TGFBRAP1: variants seen among roughly 807,000 people sequenced by gnomAD.
The protein encoded by TGFBRAP1 is transforming growth factor beta receptor associated protein 1, also known as transforming growth factor-beta receptor-associated protein 1.
In TGFBRAP1, 20 loss-of-function variants were observed where a neutral mutation model predicts 83.2. That is an observed-to-expected ratio of 0.24 (90% CI 0.17 to 0.35). TGFBRAP1 has a LOEUF of 0.35. TGFBRAP1 is among the 10% of genes least tolerant of loss of function. The pLI, the probability that TGFBRAP1 is intolerant of heterozygous loss-of-function variation, is 1.00. For synonymous variants in TGFBRAP1, 415 were observed against 459.8 expected, an observed-to-expected ratio of 0.90 and a Z score of 1.25; for missense variants, 950 against 1,099.4, an observed-to-expected ratio of 0.86 and a Z score of 1.92.
At chr2:105,260,439 C>T (rs566930491), downstream of TGFBRAP1, among the ~76,000 whole-genome samples, 1 of 152,212 alleles carries the variant, frequency 6.6e-6, no homozygotes, top group South Asian at 2.1e-4. Context: ...CTGACGTATG[C>T]TACAATATGG....
At chr2:105,304,548 C>T (rs1372717312) in intron 2 of TGFBRAP1, among the ~76,000 whole-genome samples, 4 of 152,174 alleles carry the variant, frequency 2.6e-5, no homozygotes, top group African/African-American at 9.7e-5. Flanking sequence ...TTTGGGAGGC[C>T]GAGGCGGGTG....
rs954010579 is a variant in TGFBRAP1, at chr2:105,266,384, T to C, written c.*999A>G. On this transcript the variant is annotated 3_prime_UTR_variant, in exon 12 of 12. Coordinates refer to ENST00000393359, the MANE Select transcript of TGFBRAP1 (RefSeq NM_004257.6). ...AGTGTGTGCTGACCACACTTCCCTT[T>C]GAATTTCCCGAGTATTCAACAGGAG... is the stretch of plus-strand genomic sequence containing the variant. 3 of 152,218 alleles carry C rather than the reference T, an allele frequency of 2.0e-5. No homozygotes were observed. Among genetic ancestry groups the C allele is most frequent in the Non-Finnish European group, 4.4e-5 (3 of 68,042 alleles). The allele number at this position is 152,218 out of a possible 1,614,324, so 9.4% of individuals were successfully genotyped here.
At position 105,269,415 on chromosome 2, in the gene TGFBRAP1, G is replaced by T. The variant is rs1310902732; in HGVS notation, c.2263C>A (p.Gln755Lys). Residue 755 changes from glutamine (Q) to lysine (K), a missense_variant, in exon 11 of 12, where the codon CAG (glutamine) becomes AAG (lysine). By Grantham distance (53) the Gln-to-Lys change is moderately conservative. Coordinates refer to ENST00000393359, the MANE Select transcript of TGFBRAP1 (RefSeq NM_004257.6). This position sits in a 1 kb window ranked among gnomAD's most constrained non-coding sequence, Gnocchi z 4.1. ...ACTGACCAGGTGTCAGGCAGCATCTGCAGCACCTGGGCTGCATCAAATTCG... is the reference window on the plus strand; with the variant it reads ...ACTGACCAGGTGTCAGGCAGCATCTTCAGCACCTGGGCTGCATCAAATTCG... ...ATEFDAAQVLQMLPDTWSVQL... is the reference protein window; with the variant it reads ...ATEFDAAQVLKMLPDTWSVQL... The T allele has an allele frequency of 6.2e-7, 1 of 1,614,010 alleles. No individual in the cohort carries two copies. Among genetic ancestry groups the T allele is most frequent in the Admixed American group, 1.7e-5 (1 of 60,020 alleles).
intron 4 of TGFBRAP1, among the ~76,000 whole-genome samples, chr2:105,287,771 C>T (rs1399066045): frequency 6.6e-6 from 1 of 152,196 alleles, no homozygotes; most frequent in South Asian, 2.1e-4. Flanking sequence ...TAACTTTTTC[C>T]ATCACCTTCC....
chr2:105,280,893 G>C (rs1677515768), intron 5 of TGFBRAP1, among the ~76,000 whole-genome samples, 170 bp from the exon 6 acceptor site: 1 of 152,144 alleles, frequency 6.6e-6, no homozygotes, highest in African/African-American at 2.4e-5. Flanking sequence ...GTGCAGCAAA[G>C]CACCATCCAA....
intron 1 of TGFBRAP1, among the ~76,000 whole-genome samples, chr2:105,323,470 G>A (rs1004980318): frequency 4.6e-5 from 7 of 152,166 alleles, no homozygotes; most frequent in Admixed American, 2.0e-4. Flanking sequence ...TCATATCGTG[G>A]GTATTGAGCA....
chr2:105,310,468 T>A (rs1233378621), intron 1 of TGFBRAP1, among the ~76,000 whole-genome samples: 1 of 151,816 alleles, frequency 6.6e-6, no homozygotes, highest in African/African-American at 2.4e-5. Flanking sequence ...CCCTAAGACA[T>A]CTTCACACTC....
chr2:105,253,908 C>G, the TGFBRAP1 span, among the ~76,000 whole-genome samples: 2 of 152,140 alleles, frequency 1.3e-5, no homozygotes, highest in African/African-American at 4.8e-5. Flanking sequence ...TCAGATCATA[C>G]AGCATCACAA....
At chr2:105,292,239 G>A (rs1419844052) in intron 4 of TGFBRAP1, among the ~76,000 whole-genome samples, 1 of 152,130 alleles carries the variant, frequency 6.6e-6, no homozygotes, top group African/African-American at 2.4e-5. Context: ...TGGAAGGCTC[G>A]ATGCTCTGAA....
At chr2:105,253,523 C>G in the TGFBRAP1 span, among the ~76,000 whole-genome samples, 1 of 152,122 alleles carries the variant, frequency 6.6e-6, no homozygotes, top group Non-Finnish European at 1.5e-5. Context: ...CCTTAAACTC[C>G]TGGGCTCAAG....
At chr2:105,318,277 TA>T (rs1453487815) in intron 1 of TGFBRAP1, among the ~76,000 whole-genome samples, 2 of 152,166 alleles carry the variant, frequency 1.3e-5, no homozygotes, top group African/African-American at 4.8e-5. Context: ...GGATGAATCT[TA>T]AGAGAATCTT....
chr2:105,280,325 G>C, intron 6 of TGFBRAP1, 57 bp downstream of exon 6: 1 of 1,542,046 alleles, frequency 6.5e-7, no homozygotes, highest in Non-Finnish European at 8.8e-7. Context: ...CCAGCAAAGA[G>C]CCTCAGTAAG....
Position 105,269,417 on chromosome 2 carries a change from A to G in TGFBRAP1, c.2261T>C (p.Leu754Pro). 6.2e-7 allele frequency: 1 copy of G among 1,614,036 alleles called. No individual in the cohort carries two copies. The highest frequency in any genetic ancestry group is 1.7e-4 in the Middle Eastern group (1 of 5,976). ...HATEFDAAQVLQMLPDTWSVQ... is the reference protein window; with the variant it reads ...HATEFDAAQVPQMLPDTWSVQ... ...TGACCAGGTGTCAGGCAGCATCTGC[A>G]GCACCTGGGCTGCATCAAATTCGGT... Residue 754 changes from leucine (L) to proline (P), a missense_variant, in exon 11 of 12, where the codon CTG becomes CCG. Transcript: ENST00000393359. The surrounding 1 kb of genome is among the most constrained non-coding windows in gnomAD (Gnocchi z 4.1).
chr2:105,299,368 A>G (rs1678204849), intron 2 of TGFBRAP1, among the ~76,000 whole-genome samples: 2 of 152,260 alleles, frequency 1.3e-5, no homozygotes, highest in South Asian at 4.2e-4. Context: ...ATGTGTCCTC[A>G]CGTGAGGACA....
Position 105,273,625 on chromosome 2 carries a change from G to T in TGFBRAP1, c.1731C>A (p.Asp577Glu), listed in dbSNP as rs370215046. ...DEQQKNSFNP[D>E]DIINCLKKYP... Reference sequence around the variant, plus strand: ...ATTTTTTAAGGCAATTGATAATGTCGTCTGGATTAAAACTGTTCTTCTGCT... The same window carrying T: ...ATTTTTTAAGGCAATTGATAATGTCTTCTGGATTAAAACTGTTCTTCTGCT... Residue 577 changes from aspartate to glutamate, a missense_variant, in exon 9 of 12, where the codon GAC (aspartate) becomes GAA (glutamate). Physicochemically the swap from Asp to Glu is conservative, Grantham distance 45. Coordinates refer to ENST00000393359, the MANE Select transcript of TGFBRAP1 (RefSeq NM_004257.6). The T allele has an allele frequency of 1.2e-6, 2 of 1,614,012 alleles. No homozygotes were observed. The highest frequency in any genetic ancestry group is 1.7e-6 in the Non-Finnish European group (2 of 1,180,046).
At chr2:105,273,464 G>C (rs1311463593) in intron 9 of TGFBRAP1, 80 bp downstream of exon 9, 30 of 1,565,972 alleles carry the variant, frequency 1.9e-5, no homozygotes, top group Non-Finnish European at 2.6e-5. Context: ...ACATTACACA[G>C]AATCACATGC....
chr2:105,324,715 G>A (rs1167643826), intron 1 of TGFBRAP1, among the ~76,000 whole-genome samples: 5 of 152,112 alleles, frequency 3.3e-5, no homozygotes, highest in African/African-American at 9.7e-5. Context: ...GTGAATGTGA[G>A]CTGACTCCTG....
intron 10 of TGFBRAP1, 68 bp downstream of exon 10, chr2:105,272,787 C>G: frequency 6.3e-7 from 1 of 1,586,372 alleles, no homozygotes; most frequent in Non-Finnish European, 8.5e-7. Context: ...AAGCCCTTCT[C>G]TCTGCTTCCT....
rs1036774075 is a variant in TGFBRAP1, at chr2:105,295,152, A to T, written c.1038+1204T>A. ...AAGATGAAAACTTTATCAACGTTTA[A>T]ATGTAGAAAAGAGGTCCTGCTCACC... On this transcript the variant is annotated intron_variant, in intron 4 of 11. Transcript: ENST00000393359. Among the ~76,000 whole-genome samples the T allele has an allele frequency of 3.9e-5, 6 of 152,198 alleles. No homozygotes were observed. In the East Asian group the frequency reaches 1.2e-3, roughly 29 times the overall value.
Sources: allele counts gnomAD v4.1 joint callset (sites outside exome capture counted in the v4.1 genomes callset), GRCh38; gene constraint gnomAD v4.1.1; non-coding constraint Gnocchi (gnomAD v3.1); transcripts MANE v1.5; gene names NCBI Gene and HGNC (gene_info 2026-07-23, HGNC 2026-07-21).